Variants in LRRC9 observed in about 807,000 individuals in gnomAD.
LRRC9 encodes the protein leucine-rich repeat-containing protein 9.
A neutral mutation model predicts 63.2 loss-of-function variants in LRRC9; 122 were observed. The ratio of observed to expected loss-of-function variants is 1.93; its 90% CI spans 1.67 to 2.24. The LOEUF (loss-of-function observed/expected upper bound fraction) is 2.24. LRRC9 is among the 30% of genes most tolerant of loss of function. The pLI is 0.00. For missense variants in LRRC9, 1,071 were observed against 627.7 expected (o/e 1.71, Z -7.55); for synonymous variants, 366 against 213.1 (o/e 1.72, Z -6.25).
At chr14:60,025,685 A>G (rs1891493052) in intron 27 of LRRC9, among the ~76,000 whole-genome samples, 1 of 152,048 alleles carries the variant, frequency 6.6e-6, no homozygotes, top group Non-Finnish European at 1.5e-5. Flanking sequence ...TTTACAAAAA[A>G]AAAAAAAAAG....
chr14:60,047,132 TG>T (rs1893501466), intron 29 of LRRC9, among the ~76,000 whole-genome samples: 1 of 152,228 alleles, frequency 6.6e-6, no homozygotes, highest in African/African-American at 2.4e-5. Flanking sequence ...TTGCTGAAGT[TG>T]CTTATCAACT....
At chr14:59,933,932 C>T (rs998471928) in intron 6 of LRRC9, among the ~76,000 whole-genome samples, 3 of 151,852 alleles carry the variant, frequency 2.0e-5, no homozygotes, top group Middle Eastern at 3.2e-3. Flanking sequence ...AATTGGGTCT[C>T]GAATATAGAC....
In LRRC9 at chr14:59,977,211, T is replaced by C. The variant is rs531508975; in HGVS notation, c.1640-14T>C. ...AATTATTCTTAAGAATTACTTCTGT[T>C]TTTTTATATTTAGGCATCCTCCTCA... is the stretch of plus-strand genomic sequence containing the variant. On this transcript the variant is annotated splice_polypyrimidine_tract_variant and intron_variant, in intron 13 of 31. Coordinates refer to ENST00000445360, the Ensembl canonical transcript of LRRC9. The C allele has an allele frequency of 3.0e-6, 2 of 662,604 alleles. No individual in the cohort carries two copies. The highest frequency in any genetic ancestry group is 5.4e-6 in the Non-Finnish European group (2 of 373,704). The allele number at this position is 662,604 out of a possible 1,614,324, so 41.0% of individuals were successfully genotyped here. A position where few individuals can be genotyped will look rare whatever the true frequency, so the allele number is the denominator to read the frequency against.
At chr14:60,044,465 C>T (rs184577708) in intron 29 of LRRC9, among the ~76,000 whole-genome samples, 78 of 152,250 alleles carry the variant, frequency 5.1e-4, no homozygotes, top group African/African-American at 1.7e-3. Context: ...CTGCTTCTGC[C>T]ATAATCCCAT....
intron 26 of LRRC9, among the ~76,000 whole-genome samples, chr14:60,021,531 T>C (rs1249276137): frequency 5.9e-5 from 9 of 151,936 alleles, no homozygotes; most frequent in Non-Finnish European, 1.3e-4. Context: ...GATTGCAATT[T>C]AGGTGTTATA....
chr14:59,990,120 T>A lies in LRRC9; in HGVS notation c.2211+4896T>A, dbSNP rs1419492962. On this transcript the variant is annotated intron_variant, in intron 17 of 31. Coordinates refer to ENST00000445360, the Ensembl canonical transcript of LRRC9. This position sits in a 1 kb window ranked among gnomAD's most constrained non-coding sequence, Gnocchi z 4.2. ...CTTTGTATTTTTAGCAGAGATGAGG[T>A]TTCTCCGTGTTGGTCAGGCTGGTCT... Among the ~76,000 whole-genome samples the A allele has an allele frequency of 6.6e-6, 1 of 151,810 alleles. No homozygotes were observed. The highest frequency in any genetic ancestry group is 1.5e-5 in the Non-Finnish European group (1 of 67,926).
chr14:60,000,722 G>T (rs960760084), intron 19 of LRRC9, among the ~76,000 whole-genome samples: 1 of 152,038 alleles, frequency 6.6e-6, no homozygotes, highest in Non-Finnish European at 1.5e-5. Flanking sequence ...GAATAATTTA[G>T]TAGGCAAGAA....
In LRRC9 at chr14:60,024,583, T is replaced by A. The variant is rs187863778; in HGVS notation, c.3703+1713T>A. On this transcript the variant is annotated intron_variant, in intron 27 of 31. Transcript: ENST00000445360. ...TAGACCATATTTTTAAAAATTTGAATGCATCTATCAAAAGCACTTGTGATT... is the reference window on the plus strand; with the variant it reads ...TAGACCATATTTTTAAAAATTTGAAAGCATCTATCAAAAGCACTTGTGATT... 3.9e-5 allele frequency among the ~76,000 whole-genome samples: 6 copies of A among 152,162 alleles called. No individual in the cohort carries two copies. The East Asian group carries it at 1.2e-3, about 29-fold the overall frequency.
intron 8 of LRRC9, among the ~76,000 whole-genome samples, chr14:59,955,227 C>T (rs1030072838): frequency 6.6e-6 from 1 of 152,128 alleles, no homozygotes; most frequent in African/African-American, 2.4e-5. Context: ...GGTACCAGTT[C>T]CTCTTTGTAC....
In LRRC9 at chr14:59,974,568, C is replaced by T. The variant is rs1240501730; in HGVS notation, c.1507-8C>T. On this transcript the variant is annotated splice_region_variant and splice_polypyrimidine_tract_variant and intron_variant, in intron 12 of 31. Transcript: ENST00000445360. ...TAAAAATACTCAGACTTTGTTTTTT[C>T]TTTGCAGCTGCCTCTCAAAAAAGAA... The T allele has an allele frequency of 1.6e-6, 1 of 637,820 alleles. No individual in the cohort carries two copies. The highest frequency in any genetic ancestry group is 2.7e-5 in the Admixed American group (1 of 36,708). 39.5% of individuals were successfully genotyped at this position (637,820 alleles called of 1,614,324 possible). A position where few individuals can be genotyped will look rare whatever the true frequency, so the allele number is the denominator to read the frequency against.
intron 8 of LRRC9, among the ~76,000 whole-genome samples, chr14:59,959,275 C>G (rs1566815796): frequency 6.6e-6 from 1 of 152,092 alleles, no homozygotes; most frequent in Non-Finnish European, 1.5e-5. Flanking sequence ...ATAACAAAAT[C>G]TTAAGACCAG....
At chr14:59,933,370 A>G (rs67455112) in intron 6 of LRRC9, among the ~76,000 whole-genome samples, 62,698 of 152,004 alleles carry the variant, frequency 0.41, 13,463 homozygotes, top group East Asian at 0.58. Flanking sequence ...CATGTAGTAA[A>G]TCTCAATAAA....
chr14:59,960,245 C>T (rs1309891279), intron 9 of LRRC9, among the ~76,000 whole-genome samples: 2 of 152,154 alleles, frequency 1.3e-5, no homozygotes, highest in Non-Finnish European at 2.9e-5. Context: ...CAGTAAGCTT[C>T]CCCCCAGTGG....
At chr14:59,960,305 C>T (rs968460989) in intron 9 of LRRC9, among the ~76,000 whole-genome samples, 1 of 152,158 alleles carries the variant, frequency 6.6e-6, no homozygotes, top group African/African-American at 2.4e-5. Context: ...AACAATAGAG[C>T]CTCTGCTGGT....
At chr14:60,013,608 G>A (rs540371490) in intron 23 of LRRC9, among the ~76,000 whole-genome samples, 41 of 152,084 alleles carry the variant, frequency 2.7e-4, no homozygotes, top group African/African-American at 7.2e-4. Context: ...GTGCATACAC[G>A]TTTAGGACTG....
intron 23 of LRRC9, among the ~76,000 whole-genome samples, chr14:60,010,290 AC>A: frequency 6.6e-6 from 1 of 152,284 alleles, no homozygotes; most frequent in Non-Finnish European, 1.5e-5. Context: ...ACTTCTGTGT[AC>A]CCACAGGACC....
intron 28 of LRRC9, among the ~76,000 whole-genome samples, chr14:60,028,554 A>C (rs961456162): frequency 1.3e-5 from 2 of 152,108 alleles, no homozygotes; most frequent in Admixed American, 6.6e-5. Flanking sequence ...GCTTCCTTAG[A>C]TAGGATCCTG....
downstream of LRRC9, among the ~76,000 whole-genome samples, chr14:60,065,656 AAAAAAAAAAACTGT>A (rs1894868803): frequency 8.0e-6 from 1 of 124,930 alleles, no homozygotes; most frequent in Non-Finnish European, 1.8e-5. Context: ...TCAAAAAAAA[AAAAAAAAAAACTGT>A]AAAAGAGAGT....
At chr14:60,028,122 T>A (rs1891703041) in intron 28 of LRRC9, 21 bp downstream of exon 28, 1 of 677,006 alleles carries the variant, frequency 1.5e-6, no homozygotes, top group Non-Finnish European at 2.7e-6. Context: ...TATTTTTTTA[T>A]TATGGGATTT....
Sources: gnomAD v4.1 joint callset for allele counts (sites outside exome capture counted in the v4.1 genomes callset) on GRCh38, gnomAD v4.1.1 for gene constraint, Gnocchi (gnomAD v3.1) non-coding constraint, MANE v1.5 for transcripts, NCBI Gene and HGNC (gene_info 2026-07-23, HGNC 2026-07-21) for gene names.